Variants in ADGRE5 observed in about 807,000 individuals in gnomAD.
The protein encoded by ADGRE5 is CD97 molecule.
A neutral mutation model predicts 100.3 loss-of-function variants in ADGRE5; 72 were observed. The observed-to-expected ratio is 0.72, with a 90% CI of 0.59 to 0.87. The LOEUF is 0.87. Among genes scored for constraint, ADGRE5 ranks in the 40% least tolerant of loss-of-function variants. The pLI, the probability that ADGRE5 is intolerant of heterozygous loss-of-function variation, is 0.00. For missense variants in ADGRE5, 959 were observed against 1,094.7 expected, an observed-to-expected ratio of 0.88 and a Z score of 1.75; for synonymous variants, 439 against 447.8, an observed-to-expected ratio of 0.98 and a Z score of 0.25.
At position 14,397,233 on chromosome 19, in the gene ADGRE5, T is replaced by G; in HGVS notation, c.625+10T>G. ...AATACCGTCTGTGAAGGTCGAGAGC[T>G]CAGATCCCACGTTTCTAGCGACCCA... On this transcript the variant is annotated intron_variant, in intron 6 of 19. Coordinates refer to ENST00000242786, the MANE Select transcript of ADGRE5 (RefSeq NM_078481.4). The G allele has an allele frequency of 6.2e-7, 1 of 1,613,918 alleles. No individual in the cohort carries two copies. The highest frequency in any genetic ancestry group is 8.5e-7 in the Non-Finnish European group (1 of 1,179,904).
At chr19:14,407,846 G>A in intron 18 of ADGRE5, 62 bp from the exon 19 acceptor site, 1 of 1,378,844 alleles carries the variant, frequency 7.3e-7, no homozygotes, top group Non-Finnish European at 1.0e-6. Context: ...GGCAGAGCAT[G>A]GGGAGGAGCG....
At chr19:14,389,330 AGGGGG>A (rs1167888991) in intron 3 of ADGRE5, among the ~76,000 whole-genome samples, 1 of 14,568 alleles carries the variant, frequency 6.9e-5, no homozygotes, top group Non-Finnish European at 1.0e-4. Context: ...TGGGGGAGGG[AGGGGG>A]GAAGGGGAGG....
rs747404782 is a variant in ADGRE5, at chr19:14,406,665, T to TG, written c.2049-31dup. ...GCCCTCCGTTCCGCTCCTGGCTTCC[T>TG]GGGGCACTGATGGGACCCCTCCCTT... On this transcript the variant is annotated intron_variant, in intron 15 of 19. Coordinates refer to ENST00000242786, the MANE Select transcript of ADGRE5 (RefSeq NM_078481.4). The surrounding 1 kb of genome is among the most constrained non-coding windows in gnomAD (Gnocchi z 6.0). 6.2e-7 allele frequency: 1 copy of TG among 1,611,710 alleles called. No homozygotes were observed. Among genetic ancestry groups the TG allele is most frequent in the Non-Finnish European group, 8.5e-7 (1 of 1,177,812 alleles).
chr19:14,386,972 G>A (rs1199772574), intron 1 of ADGRE5, among the ~76,000 whole-genome samples: 1 of 147,266 alleles, frequency 6.8e-6, no homozygotes, highest in East Asian at 2.1e-4. Flanking sequence ...CCAGGATCGT[G>A]CCATCGCACT....
At chr19:14,385,241 G>T (rs1364563580) in intron 1 of ADGRE5, among the ~76,000 whole-genome samples, 1 of 151,098 alleles carries the variant, frequency 6.6e-6, no homozygotes, top group East Asian at 1.9e-4. Flanking sequence ...CACACTCCTG[G>T]CCTCAGGTGA....
At chr19:14,383,936 C>G (rs1215408796) in intron 1 of ADGRE5, among the ~76,000 whole-genome samples, 1 of 152,098 alleles carries the variant, frequency 6.6e-6, no homozygotes, top group African/African-American at 2.4e-5. Flanking sequence ...TTCTGGGCTC[C>G]AAGCCTCAGT....
intron 1 of ADGRE5, among the ~76,000 whole-genome samples, chr19:14,383,473 C>T (rs1975232216): frequency 6.6e-6 from 1 of 151,996 alleles, no homozygotes; most frequent in South Asian, 2.1e-4. Context: ...CCACTGCACT[C>T]CAGCCTGGGT....
At chr19:14,407,787 G>A (rs968870202) in intron 18 of ADGRE5, 121 bp from the exon 19 acceptor site, 65 of 795,312 alleles carry the variant, frequency 8.2e-5, no homozygotes, top group African/African-American at 3.4e-5. Context: ...AGGGGGACCC[G>A]ATCTCAAAAA....
intron 4 of ADGRE5, among the ~76,000 whole-genome samples, chr19:14,392,224 G>A (rs1208725719): frequency 6.6e-6 from 1 of 152,076 alleles, no homozygotes; most frequent in Non-Finnish European, 1.5e-5. Flanking sequence ...GACCAGCCTG[G>A]GTAACATTTC....
At chr19:14,386,459 G>C (rs1975355731) in intron 1 of ADGRE5, 2 of 152,308 alleles carry the variant, frequency 1.3e-5, no homozygotes, top group Non-Finnish European at 2.9e-5. Context: ...GGGAGGCTGA[G>C]GCGGGCGGAT....
intron 13 of ADGRE5, chr19:14,405,386 GC>G (rs201468640): frequency 0.085 from 17,244 of 202,796 alleles, 888 homozygotes; most frequent in Admixed American, 0.16. Context: ...CAGGTGATCT[GC>G]CCCCCCTCAG....
chr19:14,382,755 G>A (rs1467703358), intron 1 of ADGRE5, among the ~76,000 whole-genome samples: 1 of 151,098 alleles, frequency 6.6e-6, no homozygotes, highest in African/African-American at 2.4e-5. Flanking sequence ...TGTCGCTCAG[G>A]CTGGAGTGCA....
At chr19:14,394,616 C>T (rs1975710182) in intron 4 of ADGRE5, among the ~76,000 whole-genome samples, 1 of 152,074 alleles carries the variant, frequency 6.6e-6, no homozygotes. Flanking sequence ...CATGACATGG[C>T]GTGTGGTGGC....
intron 1 of ADGRE5, among the ~76,000 whole-genome samples, chr19:14,385,010 CTTTTTTTT>C (rs56960989): frequency 1.5e-5 from 1 of 68,684 alleles, no homozygotes; most frequent in Admixed American, 1.8e-4. Flanking sequence ...GACTCTTGCT[CTTTTTTTT>C]TTTTTTTTTT....
chr19:14,384,718 T>C (rs1244516550), intron 1 of ADGRE5, among the ~76,000 whole-genome samples: 3 of 151,930 alleles, frequency 2.0e-5, no homozygotes, highest in African/African-American at 7.3e-5. Context: ...GTTCTCTCTG[T>C]CCCATCTCCT....
In ADGRE5 at chr19:14,396,353, T is replaced by C. The variant is rs199855202; in HGVS notation, c.358T>C (p.Cys120Arg). 18 of 1,614,290 alleles carry C rather than the reference T, an allele frequency of 1.1e-5. No homozygotes were observed. Among genetic ancestry groups the C allele is most frequent in the Non-Finnish European group, 1.0e-5 (12 of 1,180,056 alleles). ...SENTCQDVDE[C>R]QQNPRLCKSY... ...CCTTCCTCTTGCAGATGTGGACGAA[T>C]GTCAGCAGAACCCAAGGCTCTGTAA... The change falls in exon 5 of 20, where the codon TGT (cysteine) becomes CGT (arginine). Residue 120 changes from cysteine (C) to arginine (R), a missense_variant. Physicochemically the swap from Cys to Arg is radical, Grantham distance 180 (BLOSUM62 -3). Coordinates refer to ENST00000242786, the MANE Select transcript of ADGRE5 (RefSeq NM_078481.4).
rs1292467233 is a variant in ADGRE5, at chr19:14,408,615, C to T, written c.*494C>T. On this transcript the variant is annotated 3_prime_UTR_variant, in exon 20 of 20. Transcript: ENST00000242786. Reference sequence around the variant, plus strand: ...GGTACAGAGGCCTGCCCTGCCTGGCCGGGCAGGAGGTTCTCACTGTTGTGA... The same window carrying T: ...GGTACAGAGGCCTGCCCTGCCTGGCTGGGCAGGAGGTTCTCACTGTTGTGA... The T allele has an allele frequency of 6.9e-6, 3 of 437,760 alleles. No homozygotes were observed. The highest frequency in any genetic ancestry group is 1.2e-5 in the Non-Finnish European group (3 of 247,878). The allele number at this position is 437,760 out of a possible 1,614,324, so 27.1% of individuals were successfully genotyped here.
intron 1 of ADGRE5, chr19:14,386,353 T>C (rs1975348139): frequency 8.6e-6 from 1 of 116,124 alleles, no homozygotes; most frequent in Admixed American, 1.3e-4. Flanking sequence ...CACTTCATCC[T>C]GGGCAACAGA....
chr19:14,401,219 G>C lies in ADGRE5; in HGVS notation c.898-167G>C, dbSNP rs1032206842. Among the ~76,000 whole-genome samples the C allele has an allele frequency of 6.6e-6, 1 of 152,216 alleles. No individual in the cohort carries two copies. The highest frequency in any genetic ancestry group is 1.5e-5 in the Non-Finnish European group (1 of 68,040). On this transcript the variant is annotated intron_variant, in intron 9 of 19. Transcript: ENST00000242786. The surrounding 1 kb of genome is among the most constrained non-coding windows in gnomAD (Gnocchi z 4.1). ...GCGCTGTGATTCATACGTGCATGCA[G>C]GCAAATACTCAATCCGTCGCTTGTT...
Sources: gnomAD v4.1 joint callset for allele counts (sites outside exome capture counted in the v4.1 genomes callset) on GRCh38, gnomAD v4.1.1 for gene constraint, Gnocchi (gnomAD v3.1) non-coding constraint, MANE v1.5 for transcripts, NCBI Gene and HGNC (gene_info 2026-07-23, HGNC 2026-07-21) for gene names.